The following NTNG1 variants were observed in gnomAD, a reference collection of about 807,000 sequenced individuals.
NTNG1 encodes netrin G1.
A neutral mutation model predicts 54.0 loss-of-function variants in NTNG1; 16 were observed. That is an observed-to-expected ratio of 0.30 (90% confidence interval 0.20 to 0.45). NTNG1 has a LOEUF of 0.45. Ranked by LOEUF, NTNG1 falls within the 20% of genes least tolerant of loss-of-function variation. The pLI, the probability that NTNG1 is intolerant of heterozygous loss-of-function variation, is 1.00. For missense variants in NTNG1, 530 were observed against 678.7 expected (o/e 0.78, Z 2.43); for synonymous variants, 255 against 263.1 (o/e 0.97, Z 0.30).
chr1:107,288,998 T>C (rs1665400796), intron 2 of NTNG1, among the ~76,000 whole-genome samples: 1 of 152,146 alleles, frequency 6.6e-6, no homozygotes, highest in Non-Finnish European at 1.5e-5. Context: ...TAGTCAGTTG[T>C]CTCTTCCATT....
At chr1:107,220,147 G>A (rs1660245364) in intron 2 of NTNG1, among the ~76,000 whole-genome samples, 1 of 152,158 alleles carries the variant, frequency 6.6e-6, no homozygotes, top group Non-Finnish European at 1.5e-5. Context: ...GGTTGCCAGG[G>A]AAGAGGAGGA....
At chr1:107,348,127 TA>T (rs1669369702) in intron 3 of NTNG1, among the ~76,000 whole-genome samples, 1 of 151,720 alleles carries the variant, frequency 6.6e-6, no homozygotes, top group African/African-American at 2.4e-5. Context: ...TTATTATTAT[TA>T]TTATTATTAT....
intron 5 of NTNG1, among the ~76,000 whole-genome samples, chr1:107,410,747 G>A (rs1283517165): frequency 6.6e-6 from 1 of 152,026 alleles, no homozygotes; most frequent in Non-Finnish European, 1.5e-5. Flanking sequence ...GTCTTGGTGT[G>A]GGTGTTTTTG....
At position 107,148,535 on chromosome 1, in the gene NTNG1, T is replaced by C; in HGVS notation, c.-59T>C. 6.5e-7 allele frequency: 1 copy of C among 1,535,256 alleles called. No individual in the cohort carries two copies. The highest frequency in any genetic ancestry group is 1.7e-5 in the Admixed American group (1 of 58,608). On this transcript the variant is annotated 5_prime_UTR_variant, in exon 2 of 8. Transcript: ENST00000370068. ...TATATATATGTAAACTAGACAAAGA[T>C]CGCAGATCATAAAGCAAGCTCTGCT... is the stretch of plus-strand genomic sequence containing the variant.
chr1:107,245,010 G>GA (rs565034266), intron 2 of NTNG1, among the ~76,000 whole-genome samples: 30 of 152,096 alleles, frequency 2.0e-4, no homozygotes, highest in Admixed American at 4.6e-4. Context: ...AAATAAAGAA[G>GA]ATTTATTGTG....
At position 107,442,909 on chromosome 1, in the gene NTNG1, G is replaced by A. The variant is rs60737029; in HGVS notation, c.1390+6110G>A. Reference sequence around the variant, plus strand: ...TAGAACAGGGACCATGAATAATGGAGATGGGTTTCAATTTAGCATTTTCCA... The same window carrying A: ...TAGAACAGGGACCATGAATAATGGAAATGGGTTTCAATTTAGCATTTTCCA... On this transcript the variant is annotated intron_variant, in intron 7 of 7. Transcript: ENST00000370068. Among the ~76,000 whole-genome samples, 1,826 of 152,188 alleles carry A rather than the reference G, an allele frequency of 0.012. 101 individuals carry two copies. In the East Asian group the frequency reaches 0.18, roughly 15 times the overall value.
At chr1:107,269,789 TG>T (rs1361904127) in intron 2 of NTNG1, among the ~76,000 whole-genome samples, 1 of 152,230 alleles carries the variant, frequency 6.6e-6, no homozygotes, top group Non-Finnish European at 1.5e-5. Flanking sequence ...GCAGATTCCA[TG>T]GTTGAGTTAC....
chr1:107,300,078 A>G lies in NTNG1; in HGVS notation c.247-24204A>G, dbSNP rs189191255. Among the ~76,000 whole-genome samples the G allele has an allele frequency of 1.2e-3, 188 of 152,200 alleles. 1 individual carries two copies. The highest frequency in any genetic ancestry group is 4.4e-3 in the African/African-American group (183 of 41,544). ...CAAGAAACTTGTGGCCATTTCCAGA[A>G]CTCTTCTATAGCAAAACAAGAATGC... On this transcript the variant is annotated intron_variant, in intron 2 of 7. Coordinates refer to ENST00000370068, the MANE Select transcript of NTNG1 (RefSeq NM_001113226.3).
At chr1:107,168,253 C>A (rs1557776039) in intron 2 of NTNG1, among the ~76,000 whole-genome samples, 1 of 151,804 alleles carries the variant, frequency 6.6e-6, no homozygotes, top group Non-Finnish European at 1.5e-5. Context: ...GTAAAGTCCT[C>A]ATTTTCACTT....
chr1:107,173,313 A>G (rs1448160429), intron 2 of NTNG1, among the ~76,000 whole-genome samples: 3 of 152,118 alleles, frequency 2.0e-5, no homozygotes, highest in Non-Finnish European at 4.4e-5. Context: ...ACCTTAGTCT[A>G]GGATACAGAA....
At chr1:107,379,105 G>A (rs536206882) in intron 3 of NTNG1, among the ~76,000 whole-genome samples, 2 of 152,098 alleles carry the variant, frequency 1.3e-5, no homozygotes, top group Admixed American at 6.6e-5. Flanking sequence ...GGATTAAAAG[G>A]CTACCACACA....
At chr1:107,318,257 T>C (rs1272409532) in intron 2 of NTNG1, among the ~76,000 whole-genome samples, 1 of 152,080 alleles carries the variant, frequency 6.6e-6, no homozygotes, top group Non-Finnish European at 1.5e-5. Context: ...GTCCAGAAGC[T>C]CCACACTCTG....
chr1:107,473,131 T>C (rs945222675), intron 7 of NTNG1, among the ~76,000 whole-genome samples: 1 of 152,210 alleles, frequency 6.6e-6, no homozygotes, highest in East Asian at 1.9e-4. Flanking sequence ...TAGAGGTCAC[T>C]TTATTAATAC....
At chr1:107,459,146 T>A (rs528937181) in intron 7 of NTNG1, among the ~76,000 whole-genome samples, 6 of 152,334 alleles carry the variant, frequency 3.9e-5, no homozygotes, top group African/African-American at 1.4e-4. Context: ...GAGGAAAAAG[T>A]TAAATTAGTT....
At position 107,335,694 on chromosome 1, in the gene NTNG1, G is replaced by A. The variant is rs576927376; in HGVS notation, c.887+10772G>A. On this transcript the variant is annotated intron_variant, in intron 3 of 7. Coordinates refer to ENST00000370068, the MANE Select transcript of NTNG1 (RefSeq NM_001113226.3). ...TTTTTTTCATTTTACTCATTGTATC[G>A]TCAGAAAAAAATAGTTTTTAAAATT... is the stretch of plus-strand genomic sequence containing the variant. Among the ~76,000 whole-genome samples the A allele has an allele frequency of 1.5e-3, 226 of 151,406 alleles. 1 individual carries two copies. Among genetic ancestry groups the A allele is most frequent in the African/African-American group, 4.9e-3 (204 of 41,266 alleles).
chr1:107,480,963 A>G lies in NTNG1; in HGVS notation c.*123A>G. On this transcript the variant is annotated 3_prime_UTR_variant, in exon 8 of 8. Coordinates refer to ENST00000370068, the MANE Select transcript of NTNG1 (RefSeq NM_001113226.3). ...CCCCCACTCAGACAGTGTACAAACTAAGAAGGCCTAACTGAACTAAGCCAT... is the reference window on the plus strand; with the variant it reads ...CCCCCACTCAGACAGTGTACAAACTGAGAAGGCCTAACTGAACTAAGCCAT... The G allele has an allele frequency of 2.8e-6, 2 of 711,102 alleles. No homozygotes were observed. The highest frequency in any genetic ancestry group is 4.7e-6 in the Non-Finnish European group (2 of 427,316). The allele number at this position is 711,102 out of a possible 1,614,324, so 44.0% of individuals were successfully genotyped here.
At chr1:107,226,314 T>C (rs1223603391) in intron 2 of NTNG1, among the ~76,000 whole-genome samples, 1 of 152,140 alleles carries the variant, frequency 6.6e-6, no homozygotes, top group African/African-American at 2.4e-5. Context: ...GTTTTTTTCT[T>C]CCTCCCTGCT....
At chr1:107,378,545 G>A (rs2101023513) in intron 3 of NTNG1, among the ~76,000 whole-genome samples, 1 of 152,298 alleles carries the variant, frequency 6.6e-6, no homozygotes. Context: ...GGAATGCAGA[G>A]TCACAGCCAC....
intron 5 of NTNG1, 26 bp downstream of exon 5, chr1:107,407,734 A>C: frequency 7.5e-6 from 12 of 1,594,862 alleles, no homozygotes; most frequent in Non-Finnish European, 9.5e-6. Flanking sequence ...AACAAAAAAA[A>C]CACCAAACCA....
Sources: gnomAD v4.1 joint callset for allele counts (sites outside exome capture counted in the v4.1 genomes callset) on GRCh38, gnomAD v4.1.1 for gene constraint, MANE v1.5 for transcripts, NCBI Gene and HGNC (gene_info 2026-07-23, HGNC 2026-07-21) for gene names.